Variants in CYP27C1 observed in about 807,000 individuals in gnomAD.
The protein encoded by CYP27C1 is cytochrome P450 family 27 subfamily C member 1.
Under a neutral mutation model 40.6 loss-of-function variants are expected in CYP27C1, and 29 were observed. The ratio of observed to expected loss-of-function variants is 0.71; its 90% CI spans 0.53 to 0.97. The LOEUF is 0.97. Ranked by LOEUF, CYP27C1 falls within the 50% of genes least tolerant of loss-of-function variation. CYP27C1 has a pLI of 0.00. For synonymous variants in CYP27C1, 198 were observed against 186.8 expected, an observed-to-expected ratio of 1.06 and a Z score of -0.49; for missense variants, 390 against 485.8, an observed-to-expected ratio of 0.80 and a Z score of 1.85.
intron 1 of CYP27C1, among the ~76,000 whole-genome samples, chr2:127,211,558 T>C (rs1037464625): frequency 6.6e-6 from 1 of 151,886 alleles, no homozygotes; most frequent in Admixed American, 6.6e-5. Flanking sequence ...AATTTTTTTT[T>C]GTATTTTTAG....
At chr2:127,202,038 TA>T (rs1442347645) in intron 3 of CYP27C1, among the ~76,000 whole-genome samples, 1 of 151,388 alleles carries the variant, frequency 6.6e-6, no homozygotes, top group Non-Finnish European at 1.5e-5. Flanking sequence ...AAGCTTTTTT[TA>T]AAAAAGATGA....
Position 127,203,530 on chromosome 2 carries a change from T to C in CYP27C1, c.515A>G (p.Gln172Arg), listed in dbSNP as rs778438326. Reference sequence around the variant, plus strand: ...CACATCTTTCGGTTTCAGAATTCTTTGTCTCAATACGCTTCTCATCTTGAG... The same window carrying C: ...CACATCTTTCGGTTTCAGAATTCTTCGTCTCAATACGCTTCTCATCTTGAG... The part of the protein sequence containing the change: ...QWLKMRSVLR[Q>R]RILKPKDVAI... Residue 172 changes from glutamine to arginine, a missense_variant, in exon 3 of 9, where the codon CAA becomes CGA. By Grantham distance (43) the Gln-to-Arg change is conservative. Coordinates refer to ENST00000664447, the MANE Select transcript of CYP27C1 (RefSeq NM_001367502.1). 36 of 1,613,952 alleles carry C rather than the reference T, an allele frequency of 2.2e-5. No homozygotes were observed. The highest frequency in any genetic ancestry group is 2.9e-5 in the Non-Finnish European group (34 of 1,180,016).
chr2:127,192,629 G>T (rs929575219), intron 8 of CYP27C1, among the ~76,000 whole-genome samples: 17 of 141,466 alleles, frequency 1.2e-4, no homozygotes, highest in South Asian at 2.2e-4. Context: ...CGGGGGGGGG[G>T]GCTGCTGCTG....
In CYP27C1 at chr2:127,208,974, C is replaced by G. The variant is rs941038106; in HGVS notation, c.283-2884G>C. On this transcript the variant is annotated intron_variant, in intron 1 of 8. Coordinates refer to ENST00000664447, the MANE Select transcript of CYP27C1 (RefSeq NM_001367502.1). The surrounding 1 kb of genome is among the most constrained non-coding windows in gnomAD (Gnocchi z 5.2). ...TCCAGACTAGTGGGTTTCCCCCAAGCAAAACACACCCTCCCCACCAAGGGA... is the reference window on the plus strand; with the variant it reads ...TCCAGACTAGTGGGTTTCCCCCAAGGAAAACACACCCTCCCCACCAAGGGA... Among the ~76,000 whole-genome samples, 8 of 152,176 alleles carry G rather than the reference C, an allele frequency of 5.3e-5. No individual in the cohort carries two copies. Among genetic ancestry groups the G allele is most frequent in the African/African-American group, 1.7e-4 (7 of 41,444 alleles).
chr2:127,211,575 C>A (rs565117338), intron 1 of CYP27C1, among the ~76,000 whole-genome samples: 1 of 151,584 alleles, frequency 6.6e-6, no homozygotes, highest in Non-Finnish European at 1.5e-5. Context: ...TTAGTAGAGA[C>A]GGGGTTTCAC....
intron 1 of CYP27C1, among the ~76,000 whole-genome samples, chr2:127,212,305 C>G (rs1683355330): frequency 6.6e-6 from 1 of 152,202 alleles, no homozygotes; most frequent in Non-Finnish European, 1.5e-5. Context: ...GGACTCCCCC[C>G]TAACTCATTT....
At chr2:127,202,185 T>C (rs914160764) in intron 3 of CYP27C1, among the ~76,000 whole-genome samples, 7 of 151,866 alleles carry the variant, frequency 4.6e-5, no homozygotes, top group African/African-American at 1.5e-4. Context: ...AGTACAATTG[T>C]GTGGTCTTGG....
At chr2:127,193,406 G>T in intron 7 of CYP27C1, 109 bp from the exon 8 acceptor site, 1 of 1,307,268 alleles carries the variant, frequency 7.6e-7, no homozygotes, top group Non-Finnish European at 1.1e-6. Context: ...CCCGCCTGGG[G>T]GCCGCCCGGG....
At chr2:127,212,622 C>T (rs1040244231) in intron 1 of CYP27C1, among the ~76,000 whole-genome samples, 2 of 152,178 alleles carry the variant, frequency 1.3e-5, no homozygotes, top group South Asian at 2.1e-4. Flanking sequence ...AACATCCCTT[C>T]ACATTAAAAA....
chr2:127,190,672 C>T (rs1055565583), intron 8 of CYP27C1, among the ~76,000 whole-genome samples: 2 of 147,998 alleles, frequency 1.4e-5, no homozygotes, highest in African/African-American at 4.9e-5. Flanking sequence ...ATGGGCCAAG[C>T]GTGCTGGCTC....
intron 2 of CYP27C1, among the ~76,000 whole-genome samples, chr2:127,205,344 G>A (rs183154308): frequency 1.1e-3 from 160 of 152,314 alleles, no homozygotes; most frequent in Middle Eastern, 6.8e-3. Flanking sequence ...CCACCCCATG[G>A]GGATTTGGAC....
chr2:127,193,410 G>A (rs576986731), intron 7 of CYP27C1, 113 bp from the exon 8 acceptor site: 19 of 1,258,248 alleles, frequency 1.5e-5, no homozygotes, highest in African/African-American at 7.4e-5. Context: ...CCTGGGGGCC[G>A]CCCGGGTCCA....
chr2:127,203,489 C>T lies in CYP27C1; in HGVS notation c.556G>A (p.Glu186Lys). The T allele has an allele frequency of 6.2e-7, 1 of 1,614,070 alleles. No homozygotes were observed. The highest frequency in any genetic ancestry group is 8.5e-7 in the Non-Finnish European group (1 of 1,180,010). ...KPKDVAIYSG[E>K]VNQVIADLIK... ...AAGTCAGCAATAACTTGGTTGACTT[C>T]TCCAGAATAAATGGCCACATCTTTC... The change falls in exon 3 of 9, where the codon GAA becomes AAA. Residue 186 changes from glutamate (E) to lysine (K), a missense_variant. Transcript: ENST00000664447.
At chr2:127,207,352 A>T (rs947572225) in intron 1 of CYP27C1, among the ~76,000 whole-genome samples, 2 of 152,106 alleles carry the variant, frequency 1.3e-5, no homozygotes, top group Admixed American at 1.3e-4. Flanking sequence ...AAAATTATCC[A>T]GGCATGGTGG....
At chr2:127,210,017 A>G (rs1683306505) in intron 1 of CYP27C1, among the ~76,000 whole-genome samples, 1 of 152,186 alleles carries the variant, frequency 6.6e-6, no homozygotes, top group African/African-American at 2.4e-5. Flanking sequence ...TACAGAGAAC[A>G]CCATTAAAAT....
chr2:127,187,973 C>T (rs1050480925), intron 8 of CYP27C1, among the ~76,000 whole-genome samples: 4 of 152,154 alleles, frequency 2.6e-5, no homozygotes, highest in Non-Finnish European at 5.9e-5. Flanking sequence ...CTGGAATGTA[C>T]CTACACGGTG....
At chr2:127,217,369 G>A (rs571586474) in intron 1 of CYP27C1, among the ~76,000 whole-genome samples, 1 of 152,352 alleles carries the variant, frequency 6.6e-6, no homozygotes, top group Admixed American at 6.5e-5. Context: ...ACTTGAAACT[G>A]TGCCTGGCAC....
intron 1 of CYP27C1, among the ~76,000 whole-genome samples, chr2:127,207,166 A>G (rs1683244930): frequency 2.0e-5 from 3 of 152,184 alleles, no homozygotes; most frequent in South Asian, 4.2e-4. Flanking sequence ...GGAGTTCAAG[A>G]TAAGGTTGGG....
rs754173054 is a variant in CYP27C1, at chr2:127,185,808, T to G, written c.*1463A>C. On this transcript the variant is annotated 3_prime_UTR_variant, in exon 9 of 9. Coordinates refer to ENST00000664447, the MANE Select transcript of CYP27C1 (RefSeq NM_001367502.1). The surrounding 1 kb of genome is among the most constrained non-coding windows in gnomAD (Gnocchi z 4.9). ...GATTATGTAAAAGGAATTACAGAATTGGGAATAAGCTGTTTCAGGCATGAT... is the reference window on the plus strand; with the variant it reads ...GATTATGTAAAAGGAATTACAGAATGGGGAATAAGCTGTTTCAGGCATGAT... 1 of 152,162 alleles carries G rather than the reference T, an allele frequency of 6.6e-6. No individual in the cohort carries two copies. Among genetic ancestry groups the G allele is most frequent in the Non-Finnish European group, 1.5e-5 (1 of 68,038 alleles). The allele number at this position is 152,162 out of a possible 1,614,324, so 9.4% of individuals were successfully genotyped here.
Sources: allele counts gnomAD v4.1 joint callset (sites outside exome capture counted in the v4.1 genomes callset), GRCh38; gene constraint gnomAD v4.1.1; non-coding constraint Gnocchi (gnomAD v3.1); transcripts MANE v1.5; gene names NCBI Gene and HGNC (gene_info 2026-07-23, HGNC 2026-07-21).